KPNA1: variants seen among roughly 807,000 people sequenced by gnomAD.
The protein encoded by KPNA1 is importin subunit alpha-5.
Under a neutral mutation model 70.5 loss-of-function variants are expected in KPNA1, and 10 were observed. The ratio of observed to expected loss-of-function variants is 0.14; its 90% confidence interval spans 0.09 to 0.24. KPNA1 has a LOEUF of 0.24. Ranked by LOEUF, KPNA1 falls within the 10% of genes least tolerant of loss-of-function variation. The probability of loss-of-function intolerance (pLI) is 1.00; values close to 1 mark genes in which losing one functional copy is unlikely to be tolerated. For missense variants in KPNA1, 397 were observed against 637.9 expected (o/e 0.62, Z 4.07); for synonymous variants, 192 against 221.9 (o/e 0.87, Z 1.20).
chr3:122,496,635 C>T, intron 1 of KPNA1, 65 bp from the exon 2 acceptor site: 1 of 1,488,944 alleles, frequency 6.7e-7, no homozygotes, highest in East Asian at 2.3e-5. Context: ...TCTAAGAGCT[C>T]AGTCTTTTAA....
At position 122,467,375 on chromosome 3, in the gene KPNA1, T is replaced by C. The variant is rs376809268; in HGVS notation, c.184A>G (p.Met62Val). The C allele has an allele frequency of 6.8e-6, 11 of 1,610,732 alleles. No individual in the cohort carries two copies. Among genetic ancestry groups the C allele is most frequent in the South Asian group, 1.1e-5 (1 of 90,944 alleles). ...GCCTCATGAAAGCCTCCATCTGACA[T>C]AACTTCTTCTTCTGTTTCTTCTTCT... is the stretch of plus-strand genomic sequence containing the variant. ...TAEEETEEEV[M>V]SDGGFHEAQI... The change falls in exon 3 of 14, where the codon ATG becomes GTG. Residue 62 changes from methionine (M) to valine (V), a missense_variant. By Grantham distance (21) the Met-to-Val change is conservative (BLOSUM62 1). Transcript: ENST00000344337.
intron 9 of KPNA1, among the ~76,000 whole-genome samples, chr3:122,446,217 A>G (rs542156617): frequency 6.6e-6 from 1 of 152,334 alleles, no homozygotes; most frequent in East Asian, 1.9e-4. Flanking sequence ...AACAAAATAT[A>G]CACTCTTCTC....
At chr3:122,505,440 T>C (rs981022740) in intron 1 of KPNA1, among the ~76,000 whole-genome samples, 20 of 152,052 alleles carry the variant, frequency 1.3e-4, no homozygotes, top group Non-Finnish European at 2.5e-4. Context: ...AGGAAATAAA[T>C]CTCTATGTCT....
Position 122,508,918 on chromosome 3 carries a change from C to T in KPNA1, c.-6+5839G>A, listed in dbSNP as rs141081973. The stretch of plus-strand genomic sequence containing the variant: ...ATCATTAATATCCCCAGAAAGAATA[C>T]AGCATCTATGAAACAACACAAATAT... On this transcript the variant is annotated intron_variant, in intron 1 of 13. Transcript: ENST00000344337. Among the ~76,000 whole-genome samples the T allele has an allele frequency of 3.5e-3, 526 of 152,200 alleles. 2 individuals are homozygous for T. Among genetic ancestry groups the T allele is most frequent in the African/African-American group, 0.012 (486 of 41,522 alleles).
chr3:122,509,699 T>C (rs2076934979), intron 1 of KPNA1, among the ~76,000 whole-genome samples: 1 of 152,200 alleles, frequency 6.6e-6, no homozygotes, highest in Non-Finnish European at 1.5e-5. Context: ...ACCACAATGT[T>C]ATACAAAGAG....
chr3:122,432,653 C>T (rs1188128504), intron 12 of KPNA1: 1 of 152,148 alleles, frequency 6.6e-6, no homozygotes, highest in African/African-American at 2.4e-5. Context: ...AGGCTAGGCT[C>T]CATTTTTCTC....
chr3:122,426,893 G>T lies in KPNA1; in HGVS notation c.*92C>A. ...GCAAACAGTATTATGGAAAACATTT[G>T]AGAAGTTAGCTCCATGAGGACTGTG... is the stretch of plus-strand genomic sequence containing the variant. On this transcript the variant is annotated 3_prime_UTR_variant, in exon 14 of 14. Coordinates refer to ENST00000344337, the MANE Select transcript of KPNA1 (RefSeq NM_002264.4). 1 of 991,374 alleles carries T rather than the reference G, an allele frequency of 1.0e-6. No individual in the cohort carries two copies. Among genetic ancestry groups the T allele is most frequent in the South Asian group, 1.6e-5 (1 of 63,332 alleles). The allele number at this position is 991,374 out of a possible 1,614,324, so 61.4% of individuals were successfully genotyped here. A position where few individuals can be genotyped will look rare whatever the true frequency, so the allele number is the denominator to read the frequency against.
At position 122,454,020 on chromosome 3, in the gene KPNA1, T is replaced by C; in HGVS notation, c.433-19A>G. The C allele has an allele frequency of 6.6e-7, 1 of 1,516,656 alleles. No individual in the cohort carries two copies. The highest frequency in any genetic ancestry group is 1.2e-5 in the South Asian group (1 of 81,858). 93.9% of individuals were successfully genotyped at this position (1,516,656 alleles called of 1,614,324 possible). A position where few individuals can be genotyped will look rare whatever the true frequency, so the allele number is the denominator to read the frequency against. On this transcript the variant is annotated intron_variant, in intron 5 of 13. Transcript: ENST00000344337. ...ATTCAAACTATAAAGATAAAAATAA[T>C]TTTCATTATCTTTTTAGAATGTAAA... is the stretch of plus-strand genomic sequence containing the variant.
rs2075774763 is a variant in KPNA1 at position 122,422,559 on chromosome 3, G to C, written c.*4426C>G. On this transcript the variant is annotated 3_prime_UTR_variant, in exon 14 of 14. Transcript: ENST00000344337. ...AACAAAAAAGGCTGGCCCAGCTGTGGTTGCCAAGTCTAGTTCTGGGAGATC... is the reference window on the plus strand; with the variant it reads ...AACAAAAAAGGCTGGCCCAGCTGTGCTTGCCAAGTCTAGTTCTGGGAGATC... 6.6e-6 allele frequency: 1 copy of C among 152,186 alleles called. No homozygotes were observed. Among genetic ancestry groups the C allele is most frequent in the South Asian group, 2.1e-4 (1 of 4,836 alleles). The allele number at this position is 152,186 out of a possible 1,614,324, so 9.4% of individuals were successfully genotyped here.
rs1403583118 is a variant in KPNA1, at chr3:122,425,988, T to TC, written c.*996dup. On this transcript the variant is annotated 3_prime_UTR_variant, in exon 14 of 14. Transcript: ENST00000344337. Reference sequence around the variant, plus strand: ...GAGGGGAAAAGCACCTAGGGTGAACTCCAATTTTTTAATGAGGACCTTGAT... The same window carrying TC: ...GAGGGGAAAAGCACCTAGGGTGAACTCCCAATTTTTTAATGAGGACCTTGAT... 4.6e-5 allele frequency: 7 copies of TC among 152,728 alleles called. No individual in the cohort carries two copies. Among genetic ancestry groups the TC allele is most frequent in the African/African-American group, 1.7e-4 (7 of 41,566 alleles). The allele number at this position is 152,728 out of a possible 1,614,324, so 9.5% of individuals were successfully genotyped here.
intron 2 of KPNA1, among the ~76,000 whole-genome samples, chr3:122,478,348 G>T (rs952364431): frequency 2.0e-5 from 3 of 151,910 alleles, no homozygotes; most frequent in Non-Finnish European, 2.9e-5. Context: ...TAGGCCACGC[G>T]CATTGGCTCA....
chr3:122,509,217 T>C (rs998236956), intron 1 of KPNA1, among the ~76,000 whole-genome samples: 111 of 151,242 alleles, frequency 7.3e-4, no homozygotes, highest in Non-Finnish European at 1.3e-3. Flanking sequence ...CTGCACTCAC[T>C]TGGGCAACTG....
chr3:122,493,935 T>C (rs1559751491), intron 2 of KPNA1, among the ~76,000 whole-genome samples: 1 of 152,174 alleles, frequency 6.6e-6, no homozygotes, highest in Non-Finnish European at 1.5e-5. Flanking sequence ...TGTCGACCCT[T>C]TTTTCATGGC....
intron 1 of KPNA1, among the ~76,000 whole-genome samples, chr3:122,501,917 C>T (rs557058884): frequency 6.6e-6 from 1 of 152,234 alleles, no homozygotes; most frequent in South Asian, 2.1e-4. Context: ...CAGAGGCTTT[C>T]CATGGTTGTT....
intron 11 of KPNA1, among the ~76,000 whole-genome samples, chr3:122,436,819 C>T (rs1379404586): frequency 2.0e-5 from 3 of 152,064 alleles, no homozygotes; most frequent in Non-Finnish European, 4.4e-5. Context: ...GCTCTGTCAC[C>T]CAGGATGGAG....
chr3:122,469,555 C>T (rs2076418422), intron 2 of KPNA1, among the ~76,000 whole-genome samples: 1 of 152,130 alleles, frequency 6.6e-6, no homozygotes, highest in South Asian at 2.1e-4. Flanking sequence ...TAGGCCTTCT[C>T]CCTGTAACCA....
At chr3:122,509,246 A>AT (rs1168389082) in intron 1 of KPNA1, among the ~76,000 whole-genome samples, 1 of 145,574 alleles carries the variant, frequency 6.9e-6, no homozygotes, top group Non-Finnish European at 1.5e-5. Flanking sequence ...TCTCTATCAA[A>AT]CAAAAAAAAA....
chr3:122,463,716 A>C (rs1427839625), intron 4 of KPNA1, among the ~76,000 whole-genome samples: 1 of 152,220 alleles, frequency 6.6e-6, no homozygotes, highest in Non-Finnish European at 1.5e-5. Context: ...TTTATAAAAT[A>C]ACCCAAAAAT....
rs1281295656 is a variant in KPNA1 at position 122,424,223 on chromosome 3, A to G, written c.*2762T>C. ...TTCCCCAATCCATATATAAAACTAC[A>G]AAAGAGTTTTCCTGTATTGAAATTA... On this transcript the variant is annotated 3_prime_UTR_variant, in exon 14 of 14. Coordinates refer to ENST00000344337, the MANE Select transcript of KPNA1 (RefSeq NM_002264.4). The G allele has an allele frequency of 1.3e-5, 2 of 152,214 alleles. No individual in the cohort carries two copies. Among genetic ancestry groups the G allele is most frequent in the Non-Finnish European group, 1.5e-5 (1 of 68,032 alleles). 9.4% of individuals were successfully genotyped at this position (152,214 alleles called of 1,614,324 possible).
Sources: allele counts gnomAD v4.1 joint callset (sites outside exome capture counted in the v4.1 genomes callset), GRCh38; gene constraint gnomAD v4.1.1; transcripts MANE v1.5; gene names NCBI Gene and HGNC (gene_info 2026-07-23, HGNC 2026-07-21).